Variants in YTHDC2 observed in about 807,000 individuals in gnomAD.
YTHDC2 encodes the protein YTH N6-methyladenosine RNA binding protein C2.
YTHDC2 carries 45 observed loss-of-function variants against 174.9 expected under a neutral mutation model. The ratio of observed to expected loss-of-function variants is 0.26; its 90% CI spans 0.20 to 0.33. The LOEUF (loss-of-function observed/expected upper bound fraction) is 0.33. YTHDC2 is among the 10% of genes least tolerant of loss of function. YTHDC2 has a pLI of 1.00. For missense variants in YTHDC2, 1,650 were observed against 1,723.7 expected (o/e 0.96, Z 0.76); for synonymous variants, 657 against 574.5 (o/e 1.14, Z -2.05).
At chr5:113,559,093 A>G (rs572388694) in intron 17 of YTHDC2, among the ~76,000 whole-genome samples, 171 of 152,252 alleles carry the variant, frequency 1.1e-3, no homozygotes, top group Non-Finnish European at 4.4e-4. Flanking sequence ...TAAGGGTTCA[A>G]TCTCAGAGGA....
At chr5:113,528,397 G>A (rs961571879) in intron 4 of YTHDC2, among the ~76,000 whole-genome samples, 1 of 152,128 alleles carries the variant, frequency 6.6e-6, no homozygotes, top group African/African-American at 2.4e-5. Flanking sequence ...AAAACAGAAT[G>A]TAAGTAGTAT....
chr5:113,583,324 G>A (rs1047692150), intron 25 of YTHDC2: 1 of 152,126 alleles, frequency 6.6e-6, no homozygotes, highest in African/African-American at 2.4e-5. Flanking sequence ...CAGAAAGGAA[G>A]CAGGAAAGAA....
At chr5:113,540,509 A>G (rs1775378473) in intron 8 of YTHDC2, among the ~76,000 whole-genome samples, 1 of 152,182 alleles carries the variant, frequency 6.6e-6, no homozygotes, top group Non-Finnish European at 1.5e-5. Context: ...GGCCTCAGGA[A>G]ACTTAGTCAT....
intron 23 of YTHDC2, among the ~76,000 whole-genome samples, chr5:113,570,735 C>T (rs898703231): frequency 6.6e-6 from 1 of 152,110 alleles, no homozygotes; most frequent in Non-Finnish European, 1.5e-5. Context: ...ACTGCAACCT[C>T]CGCCTTCTGG....
Position 113,593,497 on chromosome 5 carries a change from A to T in YTHDC2, c.*23A>T. 1.1e-6 allele frequency: 1 copy of T among 874,134 alleles called. No homozygotes were observed. Among genetic ancestry groups the T allele is most frequent in the Non-Finnish European group, 1.7e-6 (1 of 580,224 alleles). 54.1% of individuals were successfully genotyped at this position (874,134 alleles called of 1,614,324 possible). A position where few individuals can be genotyped will look rare whatever the true frequency, so the allele number is the denominator to read the frequency against. Reference sequence around the variant, plus strand: ...TTTCTTCTAGAACTCTTAGCTGTGGAAGAACATCATGCCTATTTATAACCA... The same window carrying T: ...TTTCTTCTAGAACTCTTAGCTGTGGTAGAACATCATGCCTATTTATAACCA... On this transcript the variant is annotated 3_prime_UTR_variant, in exon 30 of 30. Transcript: ENST00000161863.
At chr5:113,554,386 A>G (rs936851878) in intron 16 of YTHDC2, among the ~76,000 whole-genome samples, 2 of 152,080 alleles carry the variant, frequency 1.3e-5, no homozygotes, top group African/African-American at 4.8e-5. Context: ...ATTTGATTAC[A>G]TATTTTTTAT....
intron 12 of YTHDC2, 111 bp downstream of exon 12, chr5:113,549,131 AT>A (rs201940477): frequency 5.6e-4 from 502 of 895,298 alleles, no homozygotes; most frequent in South Asian, 9.8e-4. Flanking sequence ...TTATCCAGAG[AT>A]TTTTTTTTGT....
At chr5:113,590,403 A>G (rs780640150) in intron 26 of YTHDC2, among the ~76,000 whole-genome samples, 3 of 152,212 alleles carry the variant, frequency 2.0e-5, no homozygotes, top group Non-Finnish European at 2.9e-5. Context: ...ATAACACGAA[A>G]TATTCCCAGC....
chr5:113,520,074 CCT>C (rs1773759291), intron 2 of YTHDC2, among the ~76,000 whole-genome samples: 2 of 152,044 alleles, frequency 1.3e-5, no homozygotes, highest in Non-Finnish European at 2.9e-5. Context: ...CTGACAGGCC[CCT>C]GTGTGTGATG....
At chr5:113,561,869 AATATCCAAATCTCACT>A (rs1443118021) in intron 18 of YTHDC2, among the ~76,000 whole-genome samples, 2 of 152,044 alleles carry the variant, frequency 1.3e-5, no homozygotes, top group Admixed American at 1.3e-4. Context: ...TCCAAAAGAT[AATATCCAAATCTCACT>A]ATAAGATGCT....
At position 113,566,004 on chromosome 5, in the gene YTHDC2, C is replaced by G. The variant is rs747834130; in HGVS notation, c.2827C>G (p.Gln943Glu). 6.2e-7 allele frequency: 1 copy of G among 1,606,498 alleles called. No homozygotes were observed. The highest frequency in any genetic ancestry group is 2.2e-5 in the East Asian group (1 of 44,492). ...AGGCATGAGAACACAGTTGCTTGGT[C>G]AACTTAGAGCATCAGGTAAAGTTTT... Reference protein sequence around the residue: ...IIGMRTQLLGQLRASGFVRAR... With the variant: ...IIGMRTQLLGELRASGFVRAR... Residue 943 changes from glutamine (Q) to glutamate (E), a missense_variant, in exon 21 of 30, where the codon CAA (glutamine) becomes GAA (glutamate). Physicochemically the swap from Gln to Glu is conservative, Grantham distance 29. Coordinates refer to ENST00000161863, the MANE Select transcript of YTHDC2 (RefSeq NM_022828.5).
chr5:113,524,418 C>A (rs538618828), intron 2 of YTHDC2, among the ~76,000 whole-genome samples: 1 of 152,042 alleles, frequency 6.6e-6, no homozygotes, highest in Non-Finnish European at 1.5e-5. Context: ...GAACCAGAAG[C>A]TTTGAAAAAT....
At position 113,556,013 on chromosome 5, in the gene YTHDC2, C is replaced by G. The variant is rs754638882; in HGVS notation, c.2134-39C>G. 1.1e-5 allele frequency: 14 copies of G among 1,307,720 alleles called. No individual in the cohort carries two copies. The African/African-American group carries it at 2.1e-4, about 19-fold the overall frequency. The allele number at this position is 1,307,720 out of a possible 1,614,324, so 81.0% of individuals were successfully genotyped here. A position where few individuals can be genotyped will look rare whatever the true frequency, so the allele number is the denominator to read the frequency against. On this transcript the variant is annotated intron_variant, in intron 16 of 29. Coordinates refer to ENST00000161863, the MANE Select transcript of YTHDC2 (RefSeq NM_022828.5). The stretch of plus-strand genomic sequence containing the variant: ...ATTCTTGCTATTACCTTTTAAATAC[C>G]TTTTATATTCTAACATAAAGATGGT...
At position 113,553,770 on chromosome 5, in the gene YTHDC2, C is replaced by T. The variant is rs1045258686; in HGVS notation, c.1968C>T (p.Tyr656=). 6.2e-7 allele frequency: 1 copy of T among 1,612,372 alleles called. No individual in the cohort carries two copies. Among genetic ancestry groups the T allele is most frequent in the South Asian group, 1.1e-5 (1 of 90,806 alleles). ...TTTCTCTTTCAATTGTCTGCAGATA[C>T]CAAGTCTTTATGCTTCATTCAAATA... The part of the protein sequence containing the change: ...DKRFADSTHR[Y]QVFMLHSNMQ... Residue 656 remains tyrosine (Y), a synonymous_variant, in exon 15 of 30, where the codon TAC becomes TAT. Transcript: ENST00000161863.
At position 113,561,139 on chromosome 5, in the gene YTHDC2, A is replaced by C; in HGVS notation, c.2276A>C (p.Asn759Thr). Residue 759 changes from asparagine (N) to threonine (T), a missense_variant, in exon 18 of 30, where the codon AAT becomes ACT. Physicochemically the swap from Asn to Thr is moderately conservative, Grantham distance 65. This residue lies in a region of YTHDC2 where 913 missense variants were observed against 940.4 expected (regional missense o/e 0.97). Transcript: ENST00000161863. ...FRLFSRLRFQ[N>T]MLEFQTPELL... ...CTGTTCAGTAGACTCCGATTCCAGAATATGTTGGAATTTCAGACTCCGGAA... is the reference window on the plus strand; with the variant it reads ...CTGTTCAGTAGACTCCGATTCCAGACTATGTTGGAATTTCAGACTCCGGAA... 6.2e-7 allele frequency: 1 copy of C among 1,613,222 alleles called. No individual in the cohort carries two copies. Among genetic ancestry groups the C allele is most frequent in the Non-Finnish European group, 8.5e-7 (1 of 1,179,486 alleles).
chr5:113,575,630 G>C (rs1368592863), intron 23 of YTHDC2, among the ~76,000 whole-genome samples: 1 of 152,174 alleles, frequency 6.6e-6, no homozygotes, highest in African/African-American at 2.4e-5. Flanking sequence ...GGAGTGCACT[G>C]GTCAATGGAA....
At position 113,581,423 on chromosome 5, in the gene YTHDC2, A is replaced by G. The variant is rs775613537; in HGVS notation, c.3361A>G (p.Ser1121Gly). The change falls in exon 25 of 30, where the codon AGT becomes GGT. Residue 1121 changes from serine to glycine, a missense_variant. Physicochemically the swap from Ser to Gly is moderately conservative, Grantham distance 56. Coordinates refer to ENST00000161863, the MANE Select transcript of YTHDC2 (RefSeq NM_022828.5). ...LHFTLEPEAA[S>G]LLLQLRQKWH... ...TCTATTTGAACTATTACAGGCAGCT[A>G]GTTTATTGCTGCAGCTCAGACAGAA... 6 of 1,600,726 alleles carry G rather than the reference A, an allele frequency of 3.7e-6. No homozygotes were observed. In the South Asian group the frequency reaches 5.6e-5, roughly 15 times the overall value.
chr5:113,561,111 C>T lies in YTHDC2; in HGVS notation c.2248C>T (p.Arg750Cys), dbSNP rs745327872. ...GCGATGTAGACCTGGAATTTGTTTT[C>T]GTCTGTTCAGTAGACTCCGATTCCA... Reference protein sequence around the residue: ...AGRCRPGICFRLFSRLRFQNM... With the variant: ...AGRCRPGICFCLFSRLRFQNM... Residue 750 changes from arginine (R) to cysteine (C), a missense_variant, in exon 18 of 30, where the codon CGT becomes TGT. Arg to Cys is a radical substitution (Grantham distance 180). Around this residue, in one of 5 missense-constraint regions of YTHDC2, gnomAD observed 913 missense variants for 940.4 expected, o/e 0.97. Transcript: ENST00000161863. 28 of 1,608,542 alleles carry T rather than the reference C, an allele frequency of 1.7e-5. No homozygotes were observed. The highest frequency in any genetic ancestry group is 2.2e-5 in the Non-Finnish European group (26 of 1,176,898).
chr5:113,591,715 C>A (rs1432146287), intron 27 of YTHDC2, among the ~76,000 whole-genome samples: 1 of 151,712 alleles, frequency 6.6e-6, no homozygotes, highest in Admixed American at 6.6e-5. Flanking sequence ...AGCTTGTATC[C>A]ATTTATCATG....
Sources: gnomAD v4.1 joint callset for allele counts (sites outside exome capture counted in the v4.1 genomes callset) on GRCh38, gnomAD v4.1.1 for gene constraint, gnomAD v4.1.1 regional missense constraint, MANE v1.5 for transcripts, NCBI Gene and HGNC (gene_info 2026-07-23, HGNC 2026-07-21) for gene names.